GXYLT2: variants seen among roughly 807,000 people sequenced by gnomAD.
GXYLT2 encodes the protein glycosyltransferase 8 domain containing 4.
In GXYLT2, 53 loss-of-function variants were observed where a neutral mutation model predicts 45.8. The observed-to-expected ratio is 1.16, with a 90% CI of 0.93 to 1.46. The LOEUF (loss-of-function observed/expected upper bound fraction) is 1.46. Among genes scored for constraint, GXYLT2 ranks in the 40% most tolerant of loss-of-function variants. GXYLT2 has a pLI of 0.00. For missense variants in GXYLT2, 551 were observed against 544.4 expected, an observed-to-expected ratio of 1.01 and a Z score of -0.12; for synonymous variants, 219 against 214.2, an observed-to-expected ratio of 1.02 and a Z score of -0.19.
intron 1 of GXYLT2, among the ~76,000 whole-genome samples, chr3:72,904,890 A>T: frequency 1.4e-5 from 1 of 71,130 alleles, no homozygotes. Context: ...AAAAAAAAAA[A>T]AAAAAAAATT....
intron 1 of GXYLT2, among the ~76,000 whole-genome samples, chr3:72,900,046 C>A (rs4490296): frequency 0.29 from 44,106 of 151,796 alleles, 6,786 homozygotes; most frequent in Non-Finnish European, 0.34. Flanking sequence ...TCAGGAGAAG[C>A]GCTGATAAGA....
chr3:72,921,491 G>A lies in GXYLT2; in HGVS notation c.469-713G>A, dbSNP rs146347394. Reference sequence around the variant, plus strand: ...TCTGTCACCCAGGCTGGAGTACTGTGGCACGATCTCACTGCAACCTCCGCC... The same window carrying A: ...TCTGTCACCCAGGCTGGAGTACTGTAGCACGATCTCACTGCAACCTCCGCC... On this transcript the variant is annotated intron_variant, in intron 2 of 6. Coordinates refer to ENST00000389617, the MANE Select transcript of GXYLT2 (RefSeq NM_001080393.2). 4.7e-3 allele frequency among the ~76,000 whole-genome samples: 711 copies of A among 152,062 alleles called. 14 individuals are homozygous for A. Among genetic ancestry groups the A allele is most frequent in the Non-Finnish European group, 6.2e-4 (42 of 67,986 alleles).
intron 5 of GXYLT2, among the ~76,000 whole-genome samples, chr3:72,958,195 C>G (rs1440195385): frequency 6.6e-6 from 1 of 151,630 alleles, no homozygotes; most frequent in East Asian, 1.9e-4. Context: ...ATCACTTGAA[C>G]CCGGGAAGTG....
chr3:72,914,926 C>G (rs906431221), intron 2 of GXYLT2, among the ~76,000 whole-genome samples: 3 of 152,018 alleles, frequency 2.0e-5, no homozygotes, highest in African/African-American at 7.3e-5. Context: ...TGGCTCACAC[C>G]TGTAATCCCA....
intron 1 of GXYLT2, among the ~76,000 whole-genome samples, chr3:72,900,315 T>A (rs1280736287): frequency 6.6e-6 from 1 of 152,204 alleles, no homozygotes; most frequent in African/African-American, 2.4e-5. Flanking sequence ...GCTTCTGTGT[T>A]ATTCTGAATA....
intron 3 of GXYLT2, chr3:72,929,113 G>C (rs1709976458): frequency 6.3e-7 from 1 of 1,591,082 alleles, no homozygotes; most frequent in Non-Finnish European, 8.5e-7. Context: ...TCAACCGCTA[G>C]ATCAACCTGG....
intron 3 of GXYLT2, among the ~76,000 whole-genome samples, chr3:72,934,623 A>G (rs1710142890): frequency 6.6e-6 from 1 of 152,196 alleles, no homozygotes; most frequent in Non-Finnish European, 1.5e-5. Context: ...TTTGAAAAGC[A>G]GTTACGCCTT....
intron 3 of GXYLT2, among the ~76,000 whole-genome samples, chr3:72,931,019 C>T (rs1415855508): frequency 6.6e-6 from 1 of 152,122 alleles, no homozygotes; most frequent in Non-Finnish European, 1.5e-5. Context: ...CAGTAGAATA[C>T]GTTCTTGTGA....
intron 3 of GXYLT2, among the ~76,000 whole-genome samples, chr3:72,946,270 C>G (rs1710403031): frequency 9.8e-6 from 1 of 102,510 alleles, no homozygotes; most frequent in African/African-American, 3.7e-5. Context: ...GAGCAAGACC[C>G]TGTCTGAAAA....
chr3:72,914,689 G>A (rs1709701993), intron 2 of GXYLT2, among the ~76,000 whole-genome samples: 2 of 152,076 alleles, frequency 1.3e-5, no homozygotes, highest in South Asian at 4.1e-4. Flanking sequence ...GGCAAACTGT[G>A]GCACTTGTGG....
intron 2 of GXYLT2, among the ~76,000 whole-genome samples, chr3:72,912,384 A>G (rs1709649501): frequency 6.6e-6 from 1 of 152,100 alleles, no homozygotes; most frequent in Non-Finnish European, 1.5e-5. Context: ...TCTGGGCTCA[A>G]GTGATTCTCC....
At chr3:72,935,757 C>T (rs1394297227) in intron 3 of GXYLT2, among the ~76,000 whole-genome samples, 2 of 152,136 alleles carry the variant, frequency 1.3e-5, no homozygotes, top group Non-Finnish European at 2.9e-5. Flanking sequence ...TATACTCAAC[C>T]AAACTACAAA....
intron 2 of GXYLT2, among the ~76,000 whole-genome samples, chr3:72,913,303 G>T (rs1448545518): frequency 2.0e-5 from 3 of 151,546 alleles, no homozygotes; most frequent in Non-Finnish European, 4.4e-5. Context: ...CTCCCAAAGT[G>T]CTGGGATTAC....
At chr3:72,902,667 C>T (rs1709429879) in intron 1 of GXYLT2, among the ~76,000 whole-genome samples, 1 of 152,028 alleles carries the variant, frequency 6.6e-6, no homozygotes, top group Middle Eastern at 3.4e-3. Context: ...CCCATCTCTA[C>T]CAAAATAAAT....
At chr3:72,957,019 G>A (rs1373747809) in intron 4 of GXYLT2, among the ~76,000 whole-genome samples, 1 of 147,118 alleles carries the variant, frequency 6.8e-6, no homozygotes, top group Non-Finnish European at 1.5e-5. Context: ...TCAGTCCCTG[G>A]TCTATCTAGT....
At position 72,967,603 on chromosome 3, in the gene GXYLT2, G is replaced by T. The variant is rs373778273; in HGVS notation, c.1033G>T (p.Gly345Ter). The change falls in exon 6 of 7, where the codon GGA (glycine) becomes TGA (stop). Residue 345 changes from glycine to a stop codon, truncating the protein, a stop_gained. Coordinates refer to ENST00000389617, the MANE Select transcript of GXYLT2 (RefSeq NM_001080393.2). LOFTEE classifies it high-confidence loss of function. ...WNYRPDHCMYGSNCREAEHEG... is the reference protein window; with the variant it reads ...WNYRPDHCMY ...CTACCGTCCCGATCACTGCATGTAC[G>T]GAAGCAACTGCAGAGAGGCTGAGCA... The T allele has an allele frequency of 4.3e-6, 7 of 1,613,592 alleles. No homozygotes were observed. In the South Asian group the frequency reaches 6.6e-5, roughly 15 times the overall value.
intron 3 of GXYLT2, among the ~76,000 whole-genome samples, chr3:72,933,279 C>T (rs1295209337): frequency 1.3e-5 from 2 of 152,148 alleles, no homozygotes; most frequent in African/African-American, 2.4e-5. Context: ...CAGCAGGTAA[C>T]GCTCCTATTA....
In GXYLT2 at chr3:72,915,455, C is replaced by A. The variant is rs111296962; in HGVS notation, c.469-6749C>A. On this transcript the variant is annotated intron_variant, in intron 2 of 6. Transcript: ENST00000389617. ...TATACAATCGGAATTAGATTTTTTC[C>A]GTGTTGCTCTGCAGAACAAAACGAG... 7.6e-3 allele frequency among the ~76,000 whole-genome samples: 1,121 copies of A among 148,218 alleles called. 18 individuals are homozygous for A. The highest frequency in any genetic ancestry group is 0.027 in the African/African-American group (1,073 of 39,914).
chr3:72,943,657 G>A (rs1390951659), intron 3 of GXYLT2, among the ~76,000 whole-genome samples: 6 of 152,058 alleles, frequency 3.9e-5, no homozygotes, highest in Admixed American at 2.0e-4. Context: ...GATTACAGGC[G>A]TGATTACAGC....
Sources: allele counts gnomAD v4.1 joint callset (sites outside exome capture counted in the v4.1 genomes callset), GRCh38; gene constraint gnomAD v4.1.1; transcripts MANE v1.5; gene names NCBI Gene and HGNC (gene_info 2026-07-23, HGNC 2026-07-21).